The following GALNTL6 variants were observed in gnomAD, a reference collection of about 807,000 sequenced individuals.
The protein encoded by GALNTL6 is polypeptide N-acetylgalactosaminyltransferase like 6.
A neutral mutation model predicts 73.7 loss-of-function variants in GALNTL6; 46 were observed. The observed-to-expected ratio is 0.62, with a 90% confidence interval of 0.49 to 0.80. The LOEUF is 0.80. Ranked by LOEUF, GALNTL6 falls within the 30% of genes least tolerant of loss-of-function variation. The pLI, the probability that GALNTL6 is intolerant of heterozygous loss-of-function variation, is 0.00. For synonymous variants in GALNTL6, 259 were observed against 263.7 expected, an observed-to-expected ratio of 0.98 and a Z score of 0.17; for missense variants, 604 against 755.0, an observed-to-expected ratio of 0.80 and a Z score of 2.34.
At chr4:172,031,447 G>A (rs972736208) in intron 2 of GALNTL6, among the ~76,000 whole-genome samples, 3 of 152,188 alleles carry the variant, frequency 2.0e-5, no homozygotes, top group South Asian at 2.1e-4. Context: ...ATAGTGCTAC[G>A]CAAATGTATA....
At position 172,560,881 on chromosome 4, in the gene GALNTL6, ACTT is replaced by A. The variant is rs556087162; in HGVS notation, c.553+212196_553+212198del. On this transcript the variant is annotated intron_variant, in intron 5 of 12. Transcript: ENST00000506823. ...TGCTCCTCATCCCTTCTGAGCCCTAACTTCTTTTAATCTTTTGTGACATAGATA... is the reference window on the plus strand; with the variant it reads ...TGCTCCTCATCCCTTCTGAGCCCTAACTTTTAATCTTTTGTGACATAGATA... Among the ~76,000 whole-genome samples the A allele has an allele frequency of 1.1e-4, 16 of 152,306 alleles. No individual in the cohort carries two copies. In the South Asian group the frequency reaches 3.3e-3, roughly 32 times the overall value.
intron 5 of GALNTL6, among the ~76,000 whole-genome samples, chr4:172,453,061 C>T (rs947927392): frequency 2.0e-5 from 3 of 152,046 alleles, no homozygotes; most frequent in Admixed American, 6.6e-5. Flanking sequence ...ACTACCTGGG[C>T]GTGGTGGTAC....
chr4:172,831,290 G>A (rs55797362), intron 7 of GALNTL6, among the ~76,000 whole-genome samples: 10 of 151,048 alleles, frequency 6.6e-5, no homozygotes, highest in African/African-American at 2.4e-4. Context: ...GAGTGGCCTA[G>A]AACCCAAGCA....
intron 2 of GALNTL6, among the ~76,000 whole-genome samples, chr4:172,098,115 A>G (rs1732409094): frequency 1.3e-5 from 2 of 152,122 alleles, no homozygotes; most frequent in Admixed American, 1.3e-4. Flanking sequence ...AAATTAAAGC[A>G]TTTCCTATGT....
At chr4:172,195,857 T>C (rs10013162) in intron 2 of GALNTL6, among the ~76,000 whole-genome samples, 6,398 of 152,034 alleles carry the variant, frequency 0.042, 424 homozygotes, top group African/African-American at 0.14. Flanking sequence ...AAATTGATAT[T>C]GTAACATGAC....
intron 5 of GALNTL6, among the ~76,000 whole-genome samples, chr4:172,527,028 T>G (rs1038613878): frequency 6.6e-6 from 1 of 152,170 alleles, no homozygotes; most frequent in African/African-American, 2.4e-5. Context: ...TTTAGTTATT[T>G]TATAAGAATT....
rs184248690 is a variant in GALNTL6, at chr4:173,015,875, A to G, written c.1489-5601A>G. Among the ~76,000 whole-genome samples, 138 of 152,330 alleles carry G rather than the reference A, an allele frequency of 9.1e-4. 1 individual carries two copies. Among genetic ancestry groups the G allele is most frequent in the African/African-American group, 2.8e-3 (118 of 41,588 alleles). ...ACAGACCTTCACAGCAGCCCCTCCC[A>G]TCACAGACCCAGAGGTCTAGGAGTC... On this transcript the variant is annotated intron_variant, in intron 11 of 12. Coordinates refer to ENST00000506823, the MANE Select transcript of GALNTL6 (RefSeq NM_001034845.3).
At chr4:172,202,354 G>A (rs546227085) in intron 2 of GALNTL6, among the ~76,000 whole-genome samples, 75 of 152,150 alleles carry the variant, frequency 4.9e-4, no homozygotes, top group African/African-American at 1.6e-3. Context: ...ATTAAATTTT[G>A]TATTGGGTAA....
intron 3 of GALNTL6, among the ~76,000 whole-genome samples, chr4:172,293,995 T>C (rs1018313130): frequency 6.6e-6 from 1 of 151,688 alleles, no homozygotes; most frequent in African/African-American, 2.4e-5. Flanking sequence ...GTCATTTTTT[T>C]TTCTTGAACT....
intron 2 of GALNTL6, among the ~76,000 whole-genome samples, chr4:172,134,412 T>G (rs866038977): frequency 9.4e-5 from 14 of 149,506 alleles, no homozygotes; most frequent in South Asian, 2.1e-4. Flanking sequence ...ACAGTGGACA[T>G]GAGAAAATGA....
chr4:172,426,580 G>A (rs1042178120), intron 5 of GALNTL6, among the ~76,000 whole-genome samples: 2 of 152,098 alleles, frequency 1.3e-5, no homozygotes, highest in Non-Finnish European at 2.9e-5. Context: ...TGCATCTAAG[G>A]AAGAGAGATG....
At chr4:172,541,429 G>A (rs1377930021) in intron 5 of GALNTL6, among the ~76,000 whole-genome samples, 1 of 152,160 alleles carries the variant, frequency 6.6e-6, no homozygotes, top group Non-Finnish European at 1.5e-5. Context: ...GTATGGGTCT[G>A]CAGAAACCTC....
intron 5 of GALNTL6, among the ~76,000 whole-genome samples, chr4:172,795,183 A>G (rs1740197221): frequency 6.6e-6 from 1 of 152,182 alleles, no homozygotes; most frequent in African/African-American, 2.4e-5. Flanking sequence ...TGAAGATGGA[A>G]TGTCTCAGTA....
At chr4:172,558,640 T>C (rs897690633) in intron 5 of GALNTL6, among the ~76,000 whole-genome samples, 1 of 152,166 alleles carries the variant, frequency 6.6e-6, no homozygotes, top group Non-Finnish European at 1.5e-5. Context: ...ATTTATGTTG[T>C]TTAAGCCACC....
intron 8 of GALNTL6, among the ~76,000 whole-genome samples, chr4:172,906,764 G>A (rs1475636131): frequency 6.6e-6 from 1 of 152,202 alleles, no homozygotes; most frequent in African/African-American, 2.4e-5. Flanking sequence ...CCCTCTCATA[G>A]CATGACAACT....
intron 5 of GALNTL6, among the ~76,000 whole-genome samples, chr4:172,482,007 G>T (rs959701742): frequency 6.6e-6 from 1 of 152,212 alleles, no homozygotes; most frequent in African/African-American, 2.4e-5. Flanking sequence ...TGGGCTGCAA[G>T]CCCCACCCCA....
At chr4:172,962,203 A>T (rs1750090962) in intron 10 of GALNTL6, among the ~76,000 whole-genome samples, 1 of 152,152 alleles carries the variant, frequency 6.6e-6, no homozygotes, top group Non-Finnish European at 1.5e-5. Context: ...GGCCATTTTC[A>T]CTTCTTTTGT....
intron 10 of GALNTL6, among the ~76,000 whole-genome samples, chr4:173,004,685 G>A (rs1347656081): frequency 6.6e-6 from 1 of 152,132 alleles, no homozygotes; most frequent in East Asian, 1.9e-4. Context: ...ATAAAAGGGA[G>A]CATCTTAATT....
intron 3 of GALNTL6, among the ~76,000 whole-genome samples, chr4:172,250,841 A>G (rs919213231): frequency 1.3e-5 from 2 of 152,196 alleles, no homozygotes; most frequent in Non-Finnish European, 2.9e-5. Context: ...TAAAAAACAG[A>G]GCAAGTTTTA....
Sources: gnomAD v4.1 joint callset for allele counts (sites outside exome capture counted in the v4.1 genomes callset) on GRCh38, gnomAD v4.1.1 for gene constraint, MANE v1.5 for transcripts, NCBI Gene and HGNC (gene_info 2026-07-23, HGNC 2026-07-21) for gene names.